The following ZNF69 variants were observed in gnomAD, a reference collection of about 807,000 sequenced individuals.
The protein encoded by ZNF69 is ZNF3.
ZNF69 carries 47 observed loss-of-function variants against 50.9 expected under a neutral mutation model. The ratio of observed to expected loss-of-function variants is 0.92; its 90% confidence interval spans 0.73 to 1.18. ZNF69 has a LOEUF of 1.18. ZNF69 is among the 50% of genes most tolerant of loss of function. The pLI, the probability that ZNF69 is intolerant of heterozygous loss-of-function variation, is 0.00. For missense variants in ZNF69, 717 were observed against 675.1 expected, an observed-to-expected ratio of 1.06 and a Z score of -0.69; for synonymous variants, 216 against 223.1, an observed-to-expected ratio of 0.97 and a Z score of 0.29.
At chr19:11,951,715 GAA>G in the ZNF69 span, among the ~76,000 whole-genome samples, 1 of 152,212 alleles carries the variant, frequency 6.6e-6, no homozygotes, top group Non-Finnish European at 1.5e-5. Flanking sequence ...ACATTAGTAA[GAA>G]GAGAAAAATT....
the ZNF69 span, among the ~76,000 whole-genome samples, chr19:11,933,596 T>A: frequency 6.8e-6 from 1 of 148,118 alleles, no homozygotes; most frequent in Non-Finnish European, 1.5e-5. Context: ...TTTTGCATTT[T>A]CCAGAATATT....
intron 1 of ZNF69, among the ~76,000 whole-genome samples, chr19:11,897,157 G>T (rs1972140121): frequency 6.6e-6 from 1 of 152,118 alleles, no homozygotes; most frequent in Non-Finnish European, 1.5e-5. Flanking sequence ...AGACCAGCCT[G>T]ATGAACATGG....
the ZNF69 span, chr19:11,948,307 AAAG>A: frequency 6.2e-7 from 1 of 1,613,510 alleles, no homozygotes; most frequent in Non-Finnish European, 8.5e-7. Flanking sequence ...CAATGAAATT[AAAG>A]AAGACAGTCA....
chr19:11,903,497 C>T lies in ZNF69; in HGVS notation c.64-76C>T, dbSNP rs1972291421. ...CTTGGAGTCCACGGCATCCTGAGAA[C>T]TTCTTGAGAATAGAGTCTAGGCCCC... is the stretch of plus-strand genomic sequence containing the variant. On this transcript the variant is annotated intron_variant, in intron 1 of 3. Coordinates refer to ENST00000429654, the MANE Select transcript of ZNF69 (RefSeq NM_001364730.1). 5 of 1,586,128 alleles carry T rather than the reference C, an allele frequency of 3.2e-6. No homozygotes were observed. In the South Asian group the frequency reaches 5.7e-5, roughly 18 times the overall value.
At chr19:11,976,844 G>A in the ZNF69 span, 1 of 1,421,978 alleles carries the variant, frequency 7.0e-7, no homozygotes, top group East Asian at 2.6e-5. Flanking sequence ...ACAAGTTGTT[G>A]TTTTGAAAAT....
the ZNF69 span, among the ~76,000 whole-genome samples, chr19:11,971,206 G>T: frequency 6.6e-6 from 1 of 152,192 alleles, no homozygotes; most frequent in Non-Finnish European, 1.5e-5. Context: ...GGCAGATCTA[G>T]TGTCTGGTAA....
At position 11,887,845 on chromosome 19, in the gene ZNF69, C is replaced by T. The variant is rs950227336; in HGVS notation, c.-79C>T. 6 of 1,338,114 alleles carry T rather than the reference C, an allele frequency of 4.5e-6. No homozygotes were observed. The highest frequency in any genetic ancestry group is 1.5e-5 in the African/African-American group (1 of 67,644). The allele number at this position is 1,338,114 out of a possible 1,614,324, so 82.9% of individuals were successfully genotyped here. A position where few individuals can be genotyped will look rare whatever the true frequency, so the allele number is the denominator to read the frequency against. Reference sequence around the variant, plus strand: ...CTCACCTTTGTCCCTGCGCGGGCTGCGGCTGGGATCCGGTCTTTCCAGCCC... The same window carrying T: ...CTCACCTTTGTCCCTGCGCGGGCTGTGGCTGGGATCCGGTCTTTCCAGCCC... On this transcript the variant is annotated 5_prime_UTR_variant, in exon 1 of 4. Coordinates refer to ENST00000429654, the MANE Select transcript of ZNF69 (RefSeq NM_001364730.1).
At chr19:11,978,707 T>C in the ZNF69 span, 128 of 1,614,132 alleles carry the variant, frequency 7.9e-5, 3 homozygotes, top group South Asian at 1.3e-3. Context: ...GTCAGCAATG[T>C]GGGAAAGCAT....
downstream of ZNF69, among the ~76,000 whole-genome samples, chr19:11,910,292 G>A (rs1334372562): frequency 1.3e-5 from 2 of 152,174 alleles, no homozygotes; most frequent in Non-Finnish European, 2.9e-5. Flanking sequence ...AGCTACCGAT[G>A]ACTTTCTTCA....
chr19:11,974,372 T>C, the ZNF69 span, among the ~76,000 whole-genome samples: 1 of 151,262 alleles, frequency 6.6e-6, no homozygotes, highest in South Asian at 2.1e-4. Context: ...AATTTTTGTA[T>C]TATTAGTAGA....
chr19:11,895,765 G>A (rs1977210810), intron 1 of ZNF69, among the ~76,000 whole-genome samples: 1 of 152,162 alleles, frequency 6.6e-6, no homozygotes, highest in African/African-American at 2.4e-5. Flanking sequence ...AGTATAAGAG[G>A]CAACTCTAGA....
At chr19:11,937,316 A>G in the ZNF69 span, among the ~76,000 whole-genome samples, 1 of 152,048 alleles carries the variant, frequency 6.6e-6, no homozygotes, top group Non-Finnish European at 1.5e-5. Flanking sequence ...TTTCAGTACC[A>G]TTTGTTGTAT....
At position 11,905,230 on chromosome 19, in the gene ZNF69, G is replaced by C. The variant is rs1389893273; in HGVS notation, c.833G>C (p.Cys278Ser). ...CACACTGGAGAAAAGCCTTATGAAT[G>C]TCAGCAATGTGGGAAAGCATTTCAT... is the stretch of plus-strand genomic sequence containing the variant. ...RTHTGEKPYE[C>S]QQCGKAFHSP... The change falls in exon 4 of 4, where the codon TGT (cysteine) becomes TCT (serine). Residue 278 changes from cysteine to serine, a missense_variant. Cys to Ser is a moderately radical substitution (Grantham distance 112). Coordinates refer to ENST00000429654, the MANE Select transcript of ZNF69 (RefSeq NM_001364730.1). 1.2e-6 allele frequency: 2 copies of C among 1,614,144 alleles called. No individual in the cohort carries two copies. The highest frequency in any genetic ancestry group is 2.2e-5 in the East Asian group (1 of 44,868).
At chr19:11,938,287 A>T in the ZNF69 span, among the ~76,000 whole-genome samples, 1 of 152,078 alleles carries the variant, frequency 6.6e-6, no homozygotes, top group Non-Finnish European at 1.5e-5. Context: ...CACAATGTGC[A>T]GGTTTGTTAC....
chr19:11,905,089 G>A lies in ZNF69; in HGVS notation c.692G>A (p.Cys231Tyr), dbSNP rs1317348929. The A allele has an allele frequency of 1.4e-5, 22 of 1,613,972 alleles. No homozygotes were observed. Among genetic ancestry groups the A allele is most frequent in the Non-Finnish European group, 1.8e-5 (21 of 1,180,032 alleles). ...KCKFCGKAFH[C>Y]LSLYLIHERI... ...AAATTTTGTGGGAAAGCCTTCCATT[G>A]TCTCAGTTTATATCTTATCCATGAA... The change falls in exon 4 of 4, where the codon TGT becomes TAT. Residue 231 changes from cysteine to tyrosine, a missense_variant. Physicochemically the swap from Cys to Tyr is radical, Grantham distance 194 (BLOSUM62 -2). Coordinates refer to ENST00000429654, the MANE Select transcript of ZNF69 (RefSeq NM_001364730.1).
the ZNF69 span, chr19:11,925,063 G>C: frequency 1.3e-6 from 1 of 789,902 alleles, no homozygotes; most frequent in African/African-American, 1.8e-5. Flanking sequence ...GTGCTGGGGC[G>C]TGGCACTGCC....
At chr19:11,942,479 G>A in the ZNF69 span, among the ~76,000 whole-genome samples, 10 of 152,128 alleles carry the variant, frequency 6.6e-5, no homozygotes, top group African/African-American at 2.4e-4. Context: ...ACAAGCCGCA[G>A]ACAAAACCTC....
At chr19:11,901,361 T>G (rs1269780313) in intron 1 of ZNF69, among the ~76,000 whole-genome samples, 2 of 152,224 alleles carry the variant, frequency 1.3e-5, no homozygotes, top group Non-Finnish European at 2.9e-5. Flanking sequence ...AAATCAGACT[T>G]TGGCCATGAC....
At chr19:11,951,853 A>G in the ZNF69 span, among the ~76,000 whole-genome samples, 1 of 152,228 alleles carries the variant, frequency 6.6e-6, no homozygotes, top group African/African-American at 2.4e-5. Flanking sequence ...TATGCCCGGT[A>G]TGTGACTTGT....
Sources: gnomAD v4.1 joint callset for allele counts (sites outside exome capture counted in the v4.1 genomes callset) on GRCh38, gnomAD v4.1.1 for gene constraint, MANE v1.5 for transcripts, NCBI Gene and HGNC (gene_info 2026-07-23, HGNC 2026-07-21) for gene names.